The following COL4A3 variants were observed in gnomAD, a reference collection of about 807,000 sequenced individuals.
The protein encoded by COL4A3 is collagen type IV alpha 3 chain, also known as collagen alpha-3(IV) chain.
In COL4A3, 135 loss-of-function variants were observed where a neutral mutation model predicts 217.4. That is an observed-to-expected ratio of 0.62 (90% confidence interval 0.54 to 0.72). COL4A3 has a LOEUF of 0.72. Among genes scored for constraint, COL4A3 ranks in the 30% least tolerant of loss-of-function variants. The pLI, the probability that COL4A3 is intolerant of heterozygous loss-of-function variation, is 0.00. For missense variants in COL4A3, 1,868 were observed against 2,119.9 expected (o/e 0.88, Z 2.33); for synonymous variants, 690 against 736.3 (o/e 0.94, Z 1.02).
At chr2:227,212,152 GT>G (rs144815728) in intron 1 of COL4A3, among the ~76,000 whole-genome samples, 11,573 of 147,028 alleles carry the variant, frequency 0.079, 636 homozygotes, top group African/African-American at 0.16. Flanking sequence ...TATCTTTTCT[GT>G]TTTTTTTGTT....
chr2:227,246,586 A>G (rs984919200), intron 6 of COL4A3, 99 bp from the exon 7 acceptor site: 20 of 953,228 alleles, frequency 2.1e-5, no homozygotes, highest in African/African-American at 1.3e-4. Context: ...CTTTGTCTAG[A>G]TTTACCATTG....
rs59353048 is a variant in COL4A3 at position 227,277,322 on chromosome 2, GAA to G, written c.2021-110_2021-109del. ...CGACAGACCGAAACTCCATCAACAG[GAA>G]AAAAAAAAAAAAAAAACAATGTGCA... On this transcript the variant is annotated intron_variant, in intron 27 of 51. Coordinates refer to ENST00000396578, the MANE Select transcript of COL4A3 (RefSeq NM_000091.5). 0.58 allele frequency: 316,322 copies of G among 546,570 alleles called. 54,647 individuals are homozygous for G. The highest frequency in any genetic ancestry group is 0.73 in the African/African-American group (33,815 of 46,014). 33.9% of individuals were successfully genotyped at this position (546,570 alleles called of 1,614,324 possible).
chr2:227,203,008 CAT>C (rs1491131376), intron 1 of COL4A3, among the ~76,000 whole-genome samples: 7 of 23,148 alleles, frequency 3.0e-4, no homozygotes, highest in African/African-American at 1.0e-3. Context: ...TGTATATATA[CAT>C]ATATGTGTAT....
chr2:227,253,201 A>G lies in COL4A3; in HGVS notation c.646-95A>G. 1.0e-6 allele frequency: 1 copy of G among 988,940 alleles called. No individual in the cohort carries two copies. Among genetic ancestry groups the G allele is most frequent in the Non-Finnish European group, 1.6e-6 (1 of 632,454 alleles). 61.3% of individuals were successfully genotyped at this position (988,940 alleles called of 1,614,324 possible). Reference sequence around the variant, plus strand: ...CATTCTAAAATGAAAGTTAAAATATAAATGCTCCCTTACAAATATTGGAAC... The same window carrying G: ...CATTCTAAAATGAAAGTTAAAATATGAATGCTCCCTTACAAATATTGGAAC... On this transcript the variant is annotated intron_variant, in intron 11 of 51. Coordinates refer to ENST00000396578, the MANE Select transcript of COL4A3 (RefSeq NM_000091.5). This position sits in a 1 kb window ranked among gnomAD's most constrained non-coding sequence, Gnocchi z 4.4.
intron 1 of COL4A3, among the ~76,000 whole-genome samples, chr2:227,235,050 C>T (rs2068617042): frequency 6.6e-6 from 1 of 152,154 alleles, no homozygotes; most frequent in Non-Finnish European, 1.5e-5. Flanking sequence ...GTATCTTGTA[C>T]CCTTGGGTGA....
intron 1 of COL4A3, among the ~76,000 whole-genome samples, chr2:227,217,744 A>G (rs538406399): frequency 1.1e-4 from 17 of 152,320 alleles, no homozygotes; most frequent in Non-Finnish European, 2.1e-4. Context: ...ATTCAGTAGT[A>G]ATGACAACTG....
chr2:227,202,375 C>G (rs765618404), intron 1 of COL4A3, among the ~76,000 whole-genome samples: 9 of 152,162 alleles, frequency 5.9e-5, no homozygotes, highest in African/African-American at 1.2e-4. Context: ...AATAATCATG[C>G]CTGTCTTATT....
chr2:227,258,351 C>G (rs1174542453), intron 18 of COL4A3, among the ~76,000 whole-genome samples: 1 of 152,200 alleles, frequency 6.6e-6, no homozygotes, highest in East Asian at 1.9e-4. Context: ...CTCAGACCCC[C>G]ATGCTCAGTA....
At position 227,298,691 on chromosome 2, in the gene COL4A3, G is replaced by A; in HGVS notation, c.3761G>A (p.Gly1254Asp). The change falls in exon 43 of 52, where the codon GGT becomes GAT. Residue 1254 changes from glycine to aspartate, a missense_variant. Transcript: ENST00000396578. The part of the protein sequence containing the change: ...PGSRGSPGAP[G>D]PPGPPGSHVI... Reference sequence around the variant, plus strand: ...CTTTTCATGAATTCAGGTGCGCCTGGTCCCCCTGGACCTCCAGGGAGTCAT... The same window carrying A: ...CTTTTCATGAATTCAGGTGCGCCTGATCCCCCTGGACCTCCAGGGAGTCAT... The A allele has an allele frequency of 1.2e-6, 2 of 1,613,970 alleles. No individual in the cohort carries two copies. The highest frequency in any genetic ancestry group is 1.7e-6 in the Non-Finnish European group (2 of 1,179,958).
chr2:227,277,222 G>A (rs2071623750), intron 27 of COL4A3, among the ~76,000 whole-genome samples: 1 of 151,970 alleles, frequency 6.6e-6, no homozygotes, highest in South Asian at 2.1e-4. Flanking sequence ...GGGAGGCTGA[G>A]GCGGGAGAAT....
chr2:227,258,593 C>A (rs1474189847), intron 18 of COL4A3, among the ~76,000 whole-genome samples: 2 of 152,190 alleles, frequency 1.3e-5, no homozygotes, highest in African/African-American at 2.4e-5. Context: ...TGGCAGAAAG[C>A]AGAAGGGCAA....
intron 47 of COL4A3, among the ~76,000 whole-genome samples, chr2:227,307,031 A>G (rs554749964): frequency 3.2e-4 from 49 of 152,328 alleles, no homozygotes; most frequent in Non-Finnish European, 2.9e-5. Context: ...CTAGAACACG[A>G]CAAGTGTGGA....
chr2:227,236,934 G>A (rs908386024), intron 1 of COL4A3, among the ~76,000 whole-genome samples: 6 of 152,114 alleles, frequency 3.9e-5, no homozygotes, highest in Admixed American at 1.3e-4. Flanking sequence ...GTGCTGGGAT[G>A]ACAGGCATGA....
At chr2:227,257,558 C>CTTTGG (rs1251135443) in intron 17 of COL4A3, 45 bp from the exon 18 acceptor site, 1 of 1,525,300 alleles carries the variant, frequency 6.6e-7, no homozygotes, top group Non-Finnish European at 9.1e-7. Flanking sequence ...TATGTAAATA[C>CTTTGG]TTTGGGTGAC....
intron 1 of COL4A3, among the ~76,000 whole-genome samples, chr2:227,192,876 C>A (rs2066299317): frequency 6.6e-6 from 1 of 151,018 alleles, no homozygotes; most frequent in South Asian, 2.1e-4. Flanking sequence ...ATATTGTGAG[C>A]CAATACTTTC....
At chr2:227,200,745 C>T (rs1198987644) in intron 1 of COL4A3, among the ~76,000 whole-genome samples, 1 of 152,136 alleles carries the variant, frequency 6.6e-6, no homozygotes, top group Non-Finnish European at 1.5e-5. Flanking sequence ...TACTTGTAAA[C>T]TTGTTTCTGT....
rs962389681 is a variant in COL4A3 at position 227,190,199 on chromosome 2, T to C, written c.87+25386T>C. On this transcript the variant is annotated intron_variant, in intron 1 of 51. Coordinates refer to ENST00000396578, the MANE Select transcript of COL4A3 (RefSeq NM_000091.5). ...AAGAATACATTGAGATCAATTGTCATATTTTAAATGCAAGGCACATGCAGG... is the reference window on the plus strand; with the variant it reads ...AAGAATACATTGAGATCAATTGTCACATTTTAAATGCAAGGCACATGCAGG... Among the ~76,000 whole-genome samples, 9 of 152,228 alleles carry C rather than the reference T, an allele frequency of 5.9e-5. 1 individual carries two copies. Among genetic ancestry groups the C allele is most frequent in the African/African-American group, 1.9e-4 (8 of 41,468 alleles).
intron 41 of COL4A3, among the ~76,000 whole-genome samples, chr2:227,297,339 G>A (rs958808347): frequency 6.6e-6 from 1 of 152,142 alleles, no homozygotes; most frequent in Non-Finnish European, 1.5e-5. Flanking sequence ...ATGCTTTTAT[G>A]TCTGTATGTT....
At chr2:227,299,326 C>T (rs993106600) in intron 43 of COL4A3, among the ~76,000 whole-genome samples, 8 of 152,098 alleles carry the variant, frequency 5.3e-5, no homozygotes, top group East Asian at 1.9e-4. Context: ...ACCCGGGAGG[C>T]GGAGCTTGCA....
Sources: allele counts gnomAD v4.1 joint callset (sites outside exome capture counted in the v4.1 genomes callset), GRCh38; gene constraint gnomAD v4.1.1; non-coding constraint Gnocchi (gnomAD v3.1); transcripts MANE v1.5; gene names NCBI Gene and HGNC (gene_info 2026-07-23, HGNC 2026-07-21).